Variants in KCNN2 observed in about 807,000 individuals in gnomAD.
KCNN2 encodes the protein small conductance calcium-activated potassium channel protein 2.
Under a neutral mutation model 55.5 loss-of-function variants are expected in KCNN2, and 24 were observed. The ratio of observed to expected loss-of-function variants is 0.43; its 90% confidence interval spans 0.31 to 0.61. The LOEUF is 0.61. Among genes scored for constraint, KCNN2 ranks in the 20% least tolerant of loss-of-function variants. The pLI, the probability that KCNN2 is intolerant of heterozygous loss-of-function variation, is 0.08. For synonymous variants in KCNN2, 431 were observed against 336.1 expected, an observed-to-expected ratio of 1.28 and a Z score of -3.09; for missense variants, 754 against 853.6, an observed-to-expected ratio of 0.88 and a Z score of 1.45.
At chr5:114,298,948 A>T (rs1756093915) in intron 2 of KCNN2, among the ~76,000 whole-genome samples, 1 of 152,180 alleles carries the variant, frequency 6.6e-6, no homozygotes, top group Non-Finnish European at 1.5e-5. Context: ...TAGGAAATGC[A>T]GTTGAAACTA....
chr5:114,352,261 A>T (rs1757218205), intron 2 of KCNN2, among the ~76,000 whole-genome samples: 3 of 151,546 alleles, frequency 2.0e-5, no homozygotes, highest in Admixed American at 2.0e-4. Context: ...GTTAGTAGTG[A>T]TGCCCTCTAT....
chr5:114,127,935 T>A (rs1751972763), intron 1 of KCNN2, among the ~76,000 whole-genome samples: 1 of 152,112 alleles, frequency 6.6e-6, no homozygotes, highest in Non-Finnish European at 1.5e-5. Flanking sequence ...CCAACAAGTT[T>A]CTTATCTCCA....
intron 3 of KCNN2, among the ~76,000 whole-genome samples, chr5:114,428,040 G>A (rs1759680692): frequency 6.6e-6 from 1 of 152,192 alleles, no homozygotes; most frequent in South Asian, 2.1e-4. Context: ...CCTCGGGCCT[G>A]TTCTGTCTGA....
At chr5:114,328,914 G>A (rs1012950724) in intron 2 of KCNN2, among the ~76,000 whole-genome samples, 2 of 152,160 alleles carry the variant, frequency 1.3e-5, no homozygotes, top group Non-Finnish European at 2.9e-5. Context: ...CCAAAAAAGT[G>A]TGTATAGTGT....
chr5:114,217,191 G>A (rs563073262), intron 1 of KCNN2, among the ~76,000 whole-genome samples: 1 of 152,144 alleles, frequency 6.6e-6, no homozygotes, highest in East Asian at 1.9e-4. Flanking sequence ...TTGATCTAGA[G>A]ATTCAATGCA....
At chr5:114,074,329 TGC>T (rs869146313) in intron 1 of KCNN2, among the ~76,000 whole-genome samples, 18 of 138,744 alleles carry the variant, frequency 1.3e-4, no homozygotes, top group East Asian at 6.2e-4. Flanking sequence ...TGTGTGTGTG[TGC>T]GCGCGCGCGC....
chr5:114,343,076 G>A (rs1459711031), intron 2 of KCNN2, among the ~76,000 whole-genome samples: 1 of 152,182 alleles, frequency 6.6e-6, no homozygotes, highest in South Asian at 2.1e-4. Flanking sequence ...CAAGGAATCA[G>A]TTGTCACATC....
At chr5:114,492,561 GTAAA>G (rs1747911174) in intron 6 of KCNN2, among the ~76,000 whole-genome samples, 1 of 152,194 alleles carries the variant, frequency 6.6e-6, no homozygotes, top group African/African-American at 2.4e-5. Context: ...AAATAATATA[GTAAA>G]TAAAGTTAAA....
At chr5:114,138,007 C>G (rs1752205765) in intron 1 of KCNN2, among the ~76,000 whole-genome samples, 1 of 152,066 alleles carries the variant, frequency 6.6e-6, no homozygotes, top group Admixed American at 6.6e-5. Flanking sequence ...TTGCTTCAAC[C>G]TGAGGTATTT....
At chr5:114,386,130 C>T (rs981986388) in intron 2 of KCNN2, among the ~76,000 whole-genome samples, 3 of 149,238 alleles carry the variant, frequency 2.0e-5, no homozygotes, top group African/African-American at 5.0e-5. Context: ...TGCGGTGAGC[C>T]GAGGTCGTGC....
chr5:114,473,029 G>T, intron 4 of KCNN2, 25 bp from the exon 5 acceptor site: 5 of 1,452,478 alleles, frequency 3.4e-6, no homozygotes, highest in Non-Finnish European at 4.8e-6. Flanking sequence ...AATGCTTTGG[G>T]TTTCTCTTCT....
chr5:114,294,211 T>C (rs1755959424), intron 2 of KCNN2, among the ~76,000 whole-genome samples: 1 of 152,166 alleles, frequency 6.6e-6, no homozygotes, highest in African/African-American at 2.4e-5. Context: ...GCTCCGATTT[T>C]AGTTATTTCT....
intron 1 of KCNN2, among the ~76,000 whole-genome samples, chr5:114,147,456 T>C (rs1352071504): frequency 1.3e-5 from 2 of 151,938 alleles, no homozygotes; most frequent in African/African-American, 4.8e-5. Flanking sequence ...ATTGAAAGAG[T>C]TTTAGAGGCT....
intron 2 of KCNN2, among the ~76,000 whole-genome samples, chr5:114,379,249 A>G (rs1758029508): frequency 6.6e-6 from 1 of 151,674 alleles, no homozygotes; most frequent in Non-Finnish European, 1.5e-5. Context: ...CCATCTCCCC[A>G]CACACTTGCA....
intron 3 of KCNN2, among the ~76,000 whole-genome samples, chr5:114,438,082 A>G (rs1001120649): frequency 1.3e-5 from 2 of 152,168 alleles, no homozygotes; most frequent in African/African-American, 2.4e-5. Flanking sequence ...TTCTAAAGCA[A>G]CTGTACAGCT....
intron 1 of KCNN2, among the ~76,000 whole-genome samples, chr5:114,192,922 A>G (rs1753480044): frequency 6.6e-6 from 1 of 151,890 alleles, no homozygotes; most frequent in Non-Finnish European, 1.5e-5. Flanking sequence ...CTCTCTTCAC[A>G]TCTCTTTTTA....
At chr5:114,361,496 C>A (rs929802224), upstream of KCNN2, among the ~76,000 whole-genome samples, 1 of 152,222 alleles carries the variant, frequency 6.6e-6, no homozygotes, top group African/African-American at 2.4e-5. Flanking sequence ...AAAGCCAGTG[C>A]CCCCGCAGTT....
chr5:114,277,079 A>T (rs3101081), intron 2 of KCNN2, among the ~76,000 whole-genome samples: 136,482 of 151,852 alleles, frequency 0.9, 61,704 homozygotes, highest in East Asian at 0.94. Context: ...GGGATTTTAT[A>T]TCTTCTTCAC....
At chr5:114,459,843 G>C (rs1279478053) in intron 3 of KCNN2, among the ~76,000 whole-genome samples, 1 of 152,202 alleles carries the variant, frequency 6.6e-6, no homozygotes, top group Non-Finnish European at 1.5e-5. Context: ...AATGCGAACA[G>C]CATATAGTAA....
Sources: gnomAD v4.1 joint callset for allele counts (sites outside exome capture counted in the v4.1 genomes callset) on GRCh38, gnomAD v4.1.1 for gene constraint, MANE v1.5 for transcripts, NCBI Gene and HGNC (gene_info 2026-07-23, HGNC 2026-07-21) for gene names.